GLRA3: variants seen among roughly 807,000 people sequenced by gnomAD.
GLRA3 encodes glycine receptor subunit alpha-3.
GLRA3 carries 44 observed loss-of-function variants against 60.4 expected under a neutral mutation model. That is an observed-to-expected ratio of 0.73 (90% CI 0.57 to 0.94). GLRA3 has a LOEUF of 0.94. Ranked by LOEUF, GLRA3 falls within the 40% of genes least tolerant of loss-of-function variation. The pLI, the probability that GLRA3 is intolerant of heterozygous loss-of-function variation, is 0.00. For synonymous variants in GLRA3, 223 were observed against 192.9 expected (o/e 1.16, Z -1.29); for missense variants, 508 against 564.6 (o/e 0.90, Z 1.02).
At chr4:174,735,460 C>G (rs1285036163) in intron 3 of GLRA3, among the ~76,000 whole-genome samples, 22 of 152,188 alleles carry the variant, frequency 1.4e-4, no homozygotes, top group Non-Finnish European at 5.9e-5. Flanking sequence ...AGAATATTGT[C>G]TCTGGATTGA....
At chr4:174,678,499 A>C (rs1734212805) in intron 6 of GLRA3, among the ~76,000 whole-genome samples, 1 of 152,196 alleles carries the variant, frequency 6.6e-6, no homozygotes, top group African/African-American at 2.4e-5. Context: ...TTGCTGTCCT[A>C]TTGCTAGGTA....
chr4:174,728,676 A>T lies in GLRA3; in HGVS notation c.290T>A (p.Leu97His). The T allele has an allele frequency of 6.3e-7, 1 of 1,596,716 alleles. No individual in the cohort carries two copies. The highest frequency in any genetic ancestry group is 1.1e-5 in the South Asian group (1 of 90,346). ...GCGGGGATCATTCCATTTCTGACGA[A>T]GAAAGATATTCACTCTGTAATCCTA... Reference protein sequence around the residue: ...TTMDYRVNIFLRQKWNDPRLA... With the variant: ...TTMDYRVNIFHRQKWNDPRLA... Residue 97 changes from leucine (L) to histidine (H), a missense_variant, in exon 4 of 10, where the codon CTT becomes CAT. Physicochemically the swap from Leu to His is moderately conservative, Grantham distance 99. This residue lies in a region of GLRA3 where 329 missense variants were observed against 349.3 expected (regional missense o/e 0.94). Coordinates refer to ENST00000274093, the MANE Select transcript of GLRA3 (RefSeq NM_006529.4).
At chr4:174,743,227 T>C (rs1206501360) in intron 3 of GLRA3, among the ~76,000 whole-genome samples, 1 of 152,104 alleles carries the variant, frequency 6.6e-6, no homozygotes, top group Non-Finnish European at 1.5e-5. Context: ...TGCAGACCTA[T>C]TTTGAATTTC....
intron 1 of GLRA3, among the ~76,000 whole-genome samples, chr4:174,827,181 A>G (rs868753339): frequency 2.6e-5 from 4 of 151,964 alleles, no homozygotes; most frequent in Non-Finnish European, 4.4e-5. Context: ...AATTCTTATA[A>G]TCACAATTAT....
Position 174,766,961 on chromosome 4 carries a change from A to G in GLRA3, c.267+2T>C, listed in dbSNP as rs1261707734. 2.0e-6 allele frequency: 3 copies of G among 1,519,134 alleles called. No individual in the cohort carries two copies. Among genetic ancestry groups the G allele is most frequent in the Non-Finnish European group, 2.7e-6 (3 of 1,098,198 alleles). The allele number at this position is 1,519,134 out of a possible 1,614,324, so 94.1% of individuals were successfully genotyped here. On this transcript the variant is annotated splice_donor_variant, in intron 3 of 9. Coordinates refer to ENST00000274093, the MANE Select transcript of GLRA3 (RefSeq NM_006529.4). LOFTEE classifies it high-confidence loss of function. ...AAACTTGTTGCAAAGTAAAATGCCT[A>G]CCATGGTCGTCTCTGCGATAGAGCC...
intron 7 of GLRA3, among the ~76,000 whole-genome samples, chr4:174,672,759 G>A (rs79960405): frequency 0.058 from 8,868 of 152,132 alleles, 301 homozygotes; most frequent in South Asian, 0.12. Context: ...AAGTTGTTAT[G>A]CAGGATAATT....
At chr4:174,815,974 T>C (rs546199214) in intron 1 of GLRA3, among the ~76,000 whole-genome samples, 1 of 152,312 alleles carries the variant, frequency 6.6e-6, no homozygotes, top group Non-Finnish European at 1.5e-5. Flanking sequence ...CTACAAATTT[T>C]CTGAACTTTT....
intron 1 of GLRA3, among the ~76,000 whole-genome samples, chr4:174,804,992 G>T (rs1209584670): frequency 2.0e-5 from 3 of 152,136 alleles, no homozygotes; most frequent in African/African-American, 7.2e-5. Context: ...TGGAGCCTTC[G>T]TGTTGAACAT....
chr4:174,786,884 G>T (rs1739148756), intron 2 of GLRA3, among the ~76,000 whole-genome samples: 1 of 151,994 alleles, frequency 6.6e-6, no homozygotes, highest in Non-Finnish European at 1.5e-5. Flanking sequence ...TAGTGACACT[G>T]GGGTGTAAGA....
chr4:174,653,008 A>G (rs1467055757), intron 9 of GLRA3, among the ~76,000 whole-genome samples: 2 of 152,104 alleles, frequency 1.3e-5, no homozygotes, highest in Non-Finnish European at 2.9e-5. Context: ...TGCATCTTAA[A>G]GTTTCTCCCT....
chr4:174,669,793 C>T (rs1733835288), intron 7 of GLRA3, among the ~76,000 whole-genome samples: 1 of 152,086 alleles, frequency 6.6e-6, no homozygotes, highest in African/African-American at 2.4e-5. Flanking sequence ...TCAGGCTAGC[C>T]TTGAACTCCT....
chr4:174,800,598 C>A (rs1038858412), intron 1 of GLRA3, among the ~76,000 whole-genome samples: 1 of 151,854 alleles, frequency 6.6e-6, no homozygotes, highest in African/African-American at 2.4e-5. Context: ...TTGTTAAAAC[C>A]AAACCCCCCC....
chr4:174,760,012 A>G (rs1737877441), intron 3 of GLRA3, among the ~76,000 whole-genome samples: 1 of 152,094 alleles, frequency 6.6e-6, no homozygotes, highest in Non-Finnish European at 1.5e-5. Context: ...TTTGTGAATT[A>G]AAATTATTTA....
intron 7 of GLRA3, among the ~76,000 whole-genome samples, chr4:174,672,270 T>C (rs1733936364): frequency 6.6e-6 from 1 of 152,136 alleles, no homozygotes; most frequent in African/African-American, 2.4e-5. Flanking sequence ...CTTCCACCCC[T>C]CTTGTTTTTC....
At chr4:174,647,549 A>G (rs1407273939) in intron 9 of GLRA3, among the ~76,000 whole-genome samples, 1 of 152,166 alleles carries the variant, frequency 6.6e-6, no homozygotes, top group Non-Finnish European at 1.5e-5. Flanking sequence ...CTTAATTTTA[A>G]TCTTCCCTTC....
intron 1 of GLRA3, among the ~76,000 whole-genome samples, chr4:174,826,087 AACATCATGATCCCAAAATGAAT>A (rs1386735095): frequency 2.0e-5 from 3 of 152,166 alleles, no homozygotes; most frequent in Non-Finnish European, 4.4e-5. Flanking sequence ...CTTGGACCTC[AACATCATGATCCCAAAATGAAT>A]ACATGTATTC....
At chr4:174,803,502 A>G (rs1739905335) in intron 1 of GLRA3, among the ~76,000 whole-genome samples, 1 of 152,140 alleles carries the variant, frequency 6.6e-6, no homozygotes, top group African/African-American at 2.4e-5. Flanking sequence ...GCTAGCCAGG[A>G]AGCTTGTATT....
At chr4:174,647,423 A>AG (rs1307195930) in intron 9 of GLRA3, among the ~76,000 whole-genome samples, 1 of 150,974 alleles carries the variant, frequency 6.6e-6, no homozygotes, top group South Asian at 2.1e-4. Flanking sequence ...AAAAAAAAAA[A>AG]AACTCATGGA....
chr4:174,710,093 T>C (rs1418808010), intron 5 of GLRA3, among the ~76,000 whole-genome samples: 1 of 152,142 alleles, frequency 6.6e-6, no homozygotes, highest in East Asian at 1.9e-4. Flanking sequence ...TGTCTTTCTC[T>C]GTTTCACTTC....
Sources: allele counts gnomAD v4.1 joint callset (sites outside exome capture counted in the v4.1 genomes callset), GRCh38; gene constraint gnomAD v4.1.1; regional missense constraint gnomAD v4.1.1; transcripts MANE v1.5; gene names NCBI Gene and HGNC (gene_info 2026-07-23, HGNC 2026-07-21).